The following ZNF609 variants were observed in gnomAD, a reference collection of about 807,000 sequenced individuals.
The protein encoded by ZNF609 is zinc finger protein 609.
A neutral mutation model predicts 109.5 loss-of-function variants in ZNF609; 11 were observed. The ratio of observed to expected loss-of-function variants is 0.10; its 90% CI spans 0.06 to 0.17. The LOEUF (loss-of-function observed/expected upper bound fraction) is 0.17. ZNF609 is among the 10% of genes least tolerant of loss of function. The pLI is 1.00. For synonymous variants in ZNF609, 646 were observed against 662.0 expected (o/e 0.98, Z 0.37); for missense variants, 1,559 against 1,772.4 (o/e 0.88, Z 2.16).
At chr15:64,667,763 G>A (rs1896671032) in intron 3 of ZNF609, among the ~76,000 whole-genome samples, 1 of 152,136 alleles carries the variant, frequency 6.6e-6, no homozygotes, top group Non-Finnish European at 1.5e-5. Flanking sequence ...ACTAAGTGGG[G>A]CTGAATCTGT....
intron 2 of ZNF609, among the ~76,000 whole-genome samples, chr15:64,512,427 T>G (rs2140358713): frequency 6.6e-6 from 1 of 152,360 alleles, no homozygotes; most frequent in South Asian, 2.1e-4. Context: ...CCAGTCTCTT[T>G]TCTCATTGGT....
chr15:64,596,921 A>G (rs541010028), intron 2 of ZNF609, among the ~76,000 whole-genome samples: 2 of 152,170 alleles, frequency 1.3e-5, no homozygotes, highest in Non-Finnish European at 2.9e-5. Context: ...AGGGAAACTA[A>G]AAGCTGTACT....
Position 64,672,729 on chromosome 15 carries a change from G to A in ZNF609, c.1062-1187G>A, listed in dbSNP as rs559739265. ...GCCTGTAATCTCAGCACTTTGGGAG[G>A]CCGAGGCGGGTGGATCACAAGGTCG... On this transcript the variant is annotated intron_variant, in intron 4 of 9. Transcript: ENST00000326648. 5.3e-5 allele frequency among the ~76,000 whole-genome samples: 8 copies of A among 151,430 alleles called. No homozygotes were observed. In the South Asian group the frequency reaches 1.7e-3, roughly 32 times the overall value.
intron 2 of ZNF609, among the ~76,000 whole-genome samples, chr15:64,530,399 T>C (rs1241915107): frequency 6.6e-6 from 1 of 152,236 alleles, no homozygotes; most frequent in Non-Finnish European, 1.5e-5. Flanking sequence ...GTAACACTGA[T>C]AACTACTTTA....
chr15:64,641,234 T>TTTTTTTTTTTTTGGG (rs758413589), intron 3 of ZNF609, among the ~76,000 whole-genome samples: 2 of 140,768 alleles, frequency 1.4e-5, no homozygotes, highest in African/African-American at 5.2e-5. Flanking sequence ...TTTTTTTTTT[T>TTTTTTTTTTTTTGGG]GAGATGGAGT....
At chr15:64,545,515 C>T (rs1894343746) in intron 2 of ZNF609, among the ~76,000 whole-genome samples, 1 of 152,106 alleles carries the variant, frequency 6.6e-6, no homozygotes, top group African/African-American at 2.4e-5. Context: ...TTTAATAATC[C>T]ATTCATCAAA....
chr15:64,653,352 C>A (rs901397881), intron 3 of ZNF609, among the ~76,000 whole-genome samples: 1 of 151,954 alleles, frequency 6.6e-6, no homozygotes, highest in Non-Finnish European at 1.5e-5. Flanking sequence ...AGATTATAAA[C>A]TTCCTGGAAG....
At chr15:64,574,078 T>C (rs1894906454) in intron 2 of ZNF609, among the ~76,000 whole-genome samples, 1 of 152,000 alleles carries the variant, frequency 6.6e-6, no homozygotes, top group Non-Finnish European at 1.5e-5. Flanking sequence ...TCTCATGTTA[T>C]GATTTAGGGG....
intron 2 of ZNF609, among the ~76,000 whole-genome samples, chr15:64,542,192 AT>A (rs1436641500): frequency 2.6e-5 from 4 of 152,112 alleles, no homozygotes; most frequent in African/African-American, 9.7e-5. Flanking sequence ...CCCAGTAGAT[AT>A]TTTTTATGCT....
At position 64,460,605 on chromosome 15, in the gene ZNF609, CGGT is replaced by C; in HGVS notation, c.-358_-356del. On this transcript the variant is annotated 5_prime_UTR_variant, in exon 1 of 10. Coordinates refer to ENST00000326648, the MANE Select transcript of ZNF609 (RefSeq NM_015042.2). ...TTGTCCCGGATCGCGGCGGCGGCGG[CGGT>C]GGCGGCGGCTGAGGGACCCGCGGCC... The C allele has an allele frequency of 6.2e-6, 1 of 160,624 alleles. No homozygotes were observed. Among genetic ancestry groups the C allele is most frequent in the East Asian group, 1.9e-4 (1 of 5,390 alleles). The allele number at this position is 160,624 out of a possible 1,614,324, so 9.9% of individuals were successfully genotyped here.
rs367680934 is a variant in ZNF609, at chr15:64,623,090, C to T, written c.973+38C>T. On this transcript the variant is annotated intron_variant, in intron 3 of 9. Coordinates refer to ENST00000326648, the MANE Select transcript of ZNF609 (RefSeq NM_015042.2). The stretch of plus-strand genomic sequence containing the variant: ...TGTGGCTTTCCCCTCCCTTCTCAAC[C>T]TGCTTCTGCAGGGGAGCCACCAGGG... The T allele has an allele frequency of 1.6e-4, 251 of 1,597,312 alleles. 1 individual carries two copies. Among genetic ancestry groups the T allele is most frequent in the Admixed American group, 9.5e-4 (57 of 59,834 alleles).
intron 2 of ZNF609, chr15:64,501,666 C>T (rs1301419050): frequency 6.6e-6 from 1 of 152,222 alleles, no homozygotes; most frequent in Non-Finnish European, 1.5e-5. Flanking sequence ...CTGTTCCCTA[C>T]ATCTGGCTTC....
intron 8 of ZNF609, 35 bp downstream of exon 8, chr15:64,680,897 CTTGTT>C (rs773156382): frequency 4.4e-6 from 7 of 1,600,006 alleles, no homozygotes; most frequent in East Asian, 2.2e-5. Context: ...GTTGTTTTGT[CTTGTT>C]TTGTTTTGTT....
chr15:64,649,201 C>T (rs1162658273), intron 3 of ZNF609, among the ~76,000 whole-genome samples: 1 of 152,004 alleles, frequency 6.6e-6, no homozygotes, highest in African/African-American at 2.4e-5. Flanking sequence ...AGATAGGACT[C>T]AATTTAGTCA....
chr15:64,555,635 G>T (rs1172662646), intron 2 of ZNF609, among the ~76,000 whole-genome samples: 2 of 151,416 alleles, frequency 1.3e-5, no homozygotes, highest in African/African-American at 4.9e-5. Context: ...TGTAATCCCA[G>T]CACTTTGGGA....
At chr15:64,561,246 T>C (rs1056631773) in intron 2 of ZNF609, among the ~76,000 whole-genome samples, 1 of 152,186 alleles carries the variant, frequency 6.6e-6, no homozygotes, top group Non-Finnish European at 1.5e-5. Flanking sequence ...TTTGTTTTAT[T>C]TTTATAACAG....
intron 1 of ZNF609, among the ~76,000 whole-genome samples, chr15:64,490,020 A>G (rs1282160187): frequency 2.6e-5 from 4 of 152,174 alleles, no homozygotes; most frequent in South Asian, 2.1e-4. Context: ...GTGCAGTGGC[A>G]TGATCACAGC....
chr15:64,518,892 T>C (rs1893852584), intron 2 of ZNF609, among the ~76,000 whole-genome samples: 1 of 151,972 alleles, frequency 6.6e-6, no homozygotes, highest in African/African-American at 2.4e-5. Flanking sequence ...TGAGTTTAAC[T>C]TGGGACATGT....
At chr15:64,533,186 G>A (rs1478956098) in intron 2 of ZNF609, among the ~76,000 whole-genome samples, 1 of 151,924 alleles carries the variant, frequency 6.6e-6, no homozygotes, top group Non-Finnish European at 1.5e-5. Context: ...GAGTAGCTGG[G>A]GCCACAAGTG....
Sources: gnomAD v4.1 joint callset for allele counts (sites outside exome capture counted in the v4.1 genomes callset) on GRCh38, gnomAD v4.1.1 for gene constraint, MANE v1.5 for transcripts, NCBI Gene and HGNC (gene_info 2026-07-23, HGNC 2026-07-21) for gene names.